The following LIMS1 variants were observed in gnomAD, a reference collection of about 807,000 sequenced individuals.
LIMS1 encodes LIM and senescent cell antigen-like-containing domain protein 1.
Under a neutral mutation model 44.1 loss-of-function variants are expected in LIMS1, and 18 were observed. The ratio of observed to expected loss-of-function variants is 0.41; its 90% CI spans 0.28 to 0.61. The LOEUF (loss-of-function observed/expected upper bound fraction) is 0.61, where lower values mean the gene tolerates loss of function less well. Among genes scored for constraint, LIMS1 ranks in the 20% least tolerant of loss-of-function variants. The pLI is 0.32. For missense variants in LIMS1, 201 were observed against 422.0 expected, an observed-to-expected ratio of 0.48 and a Z score of 4.59; for synonymous variants, 93 against 149.1, an observed-to-expected ratio of 0.62 and a Z score of 2.74.
At chr2:108,683,885 G>T in exon 10 of LIMS1, 2 of 1,499,792 alleles carry the variant, frequency 1.3e-6, no homozygotes, top group Non-Finnish European at 1.8e-6. Context: ...TTGTCTTTAG[G>T]AATAAGTTTG....
chr2:108,616,197 C>CTT (rs1159229290), intron 1 of LIMS1, among the ~76,000 whole-genome samples: 3,607 of 71,800 alleles, frequency 0.05, 104 homozygotes, highest in East Asian at 0.12. Context: ...TTTGCATGGG[C>CTT]TTTTTTTTTT....
At chr2:108,552,293 A>G (rs944231565) in intron 1 of LIMS1, among the ~76,000 whole-genome samples, 1 of 136,262 alleles carries the variant, frequency 7.3e-6, no homozygotes, top group African/African-American at 2.6e-5. Flanking sequence ...CTATATATAT[A>G]CTATACGTGT....
At chr2:108,638,253 C>T (rs186649336) in intron 1 of LIMS1, among the ~76,000 whole-genome samples, 1 of 152,236 alleles carries the variant, frequency 6.6e-6, no homozygotes. Context: ...TCTGATTGAT[C>T]GAGCTGTCTT....
intron 1 of LIMS1, among the ~76,000 whole-genome samples, chr2:108,620,038 A>G (rs918984602): frequency 6.6e-6 from 1 of 152,186 alleles, no homozygotes; most frequent in Admixed American, 6.5e-5. Flanking sequence ...CTTTAAAAAC[A>G]TATGCTGTGT....
At chr2:108,577,776 A>T (rs1685723225) in intron 1 of LIMS1, among the ~76,000 whole-genome samples, 2 of 152,358 alleles carry the variant, frequency 1.3e-5, no homozygotes, top group East Asian at 3.9e-4. Flanking sequence ...TGGGAACTTA[A>T]TAAAGTATTT....
chr2:108,638,519 G>A (rs908725828), intron 1 of LIMS1, among the ~76,000 whole-genome samples: 48 of 152,186 alleles, frequency 3.2e-4, no homozygotes, highest in Non-Finnish European at 6.6e-4. Flanking sequence ...CAGGGCGAGC[G>A]GATCACCTGA....
At chr2:108,614,398 A>C (rs770636536) in intron 1 of LIMS1, among the ~76,000 whole-genome samples, 5 of 152,150 alleles carry the variant, frequency 3.3e-5, no homozygotes, top group Non-Finnish European at 7.4e-5. Flanking sequence ...ATGTATGTAC[A>C]TATGTGGTCT....
chr2:108,616,221 T>TTG (rs1433409860), intron 1 of LIMS1, among the ~76,000 whole-genome samples: 1 of 132,248 alleles, frequency 7.6e-6, no homozygotes, highest in Admixed American at 7.3e-5. Flanking sequence ...TTTTTTTTTT[T>TTG]GGATATAGGG....
chr2:108,620,833 T>G (rs826683), intron 1 of LIMS1, among the ~76,000 whole-genome samples: 56,815 of 151,934 alleles, frequency 0.37, 11,217 homozygotes, highest in Middle Eastern at 0.52. Context: ...ACTGCTTCCC[T>G]TTAGAATTCT....
chr2:108,588,012 A>C lies in LIMS1; in HGVS notation c.32+53418A>C, dbSNP rs1249768621. ...GTTAATTCAAACATGTAGTTATTAT[A>C]GAGATCCAGAGGGCCAGAGGCTATC... is the stretch of plus-strand genomic sequence containing the variant. On this transcript the variant is annotated intron_variant, in intron 1 of 9. Coordinates refer to ENST00000544547, the Ensembl canonical transcript of LIMS1. Among the ~76,000 whole-genome samples the C allele has an allele frequency of 2.6e-5, 4 of 152,230 alleles. No homozygotes were observed. The East Asian group carries it at 5.8e-4, about 22-fold the overall frequency.
chr2:108,551,628 GTA>G lies in LIMS1; in HGVS notation c.32+17042_32+17043del, dbSNP rs911622618. Reference sequence around the variant, plus strand: ...TATATGTATATATATGTATATATGTGTATATATATGTATATATGTGTATATAT... The same window carrying G: ...TATATGTATATATATGTATATATGTGTATATATGTATATATGTGTATATAT... On this transcript the variant is annotated intron_variant, in intron 1 of 9. Transcript: ENST00000544547. Among the ~76,000 whole-genome samples the G allele has an allele frequency of 1.4e-3, 191 of 140,818 alleles. 2 individuals carry two copies. The highest frequency in any genetic ancestry group is 4.7e-3 in the African/African-American group (181 of 38,276). 92.4% of individuals were successfully genotyped at this position (140,818 alleles called of 152,430 possible).
intron 1 of LIMS1, among the ~76,000 whole-genome samples, chr2:108,628,664 C>T (rs1688719874): frequency 6.6e-6 from 1 of 152,208 alleles, no homozygotes; most frequent in Admixed American, 6.5e-5. Flanking sequence ...CGGGGTTTCA[C>T]CATGTTGGCC....
chr2:108,611,213 A>T (rs1687580727), intron 1 of LIMS1, among the ~76,000 whole-genome samples: 1 of 152,162 alleles, frequency 6.6e-6, no homozygotes. Context: ...TTGTCTCATC[A>T]CCTTTGAAAT....
At chr2:108,580,992 C>T (rs752551624) in intron 1 of LIMS1, among the ~76,000 whole-genome samples, 6 of 152,220 alleles carry the variant, frequency 3.9e-5, no homozygotes, top group African/African-American at 7.2e-5. Flanking sequence ...AAGGTTGTTA[C>T]TCTCTTTTTG....
intron 8 of LIMS1, among the ~76,000 whole-genome samples, chr2:108,680,365 CAAAAAAAAAAAAA>C (rs35982119): frequency 4.4e-5 from 3 of 68,248 alleles, no homozygotes; most frequent in African/African-American, 1.2e-4. Flanking sequence ...GATTCCGTCT[CAAAAAAAAAAAAA>C]AAAAAAAAAT....
exon 6 of LIMS1, chr2:108,675,890 T>C (rs1393152847): frequency 2.5e-6 from 4 of 1,613,950 alleles, no homozygotes; most frequent in Admixed American, 1.7e-5. Flanking sequence ...AGGAGCTGAC[T>C]GCCGATGCAC....
exon 10 of LIMS1, chr2:108,684,972 C>T (rs577352335): frequency 1.3e-5 from 2 of 152,174 alleles, no homozygotes; most frequent in South Asian, 2.1e-4. Context: ...ATCAGGAATT[C>T]TAGCCATCTC....
intron 1 of LIMS1, among the ~76,000 whole-genome samples, chr2:108,652,544 G>A (rs1412376457): frequency 2.0e-5 from 3 of 152,262 alleles, no homozygotes; most frequent in Admixed American, 6.5e-5. Context: ...GTGTGCAGAG[G>A]TATGTGATGG....
At chr2:108,556,841 A>G (rs1193445504) in intron 1 of LIMS1, among the ~76,000 whole-genome samples, 1 of 152,194 alleles carries the variant, frequency 6.6e-6, no homozygotes, top group Non-Finnish European at 1.5e-5. Flanking sequence ...GTTAGCAATA[A>G]TGTGAACCTG....
Sources: gnomAD v4.1 joint callset for allele counts (sites outside exome capture counted in the v4.1 genomes callset) on GRCh38, gnomAD v4.1.1 for gene constraint, MANE v1.5 for transcripts, NCBI Gene and HGNC (gene_info 2026-07-23, HGNC 2026-07-21) for gene names.